The following AGMO variants were observed in gnomAD, a reference collection of about 807,000 sequenced individuals.
AGMO encodes glyceryl-ether monooxygenase.
AGMO carries 75 observed loss-of-function variants against 60.2 expected under a neutral mutation model. The observed-to-expected ratio is 1.25, with a 90% CI of 1.03 to 1.51. The LOEUF is 1.51. Among genes scored for constraint, AGMO ranks in the 40% most tolerant of loss-of-function variants. The probability of loss-of-function intolerance (pLI) is 0.00; values close to 1 mark genes in which losing one functional copy is unlikely to be tolerated. For synonymous variants in AGMO, 261 were observed against 177.1 expected (o/e 1.47, Z -3.76); for missense variants, 763 against 525.5 (o/e 1.45, Z -4.42).
intron 3 of AGMO, among the ~76,000 whole-genome samples, chr7:15,527,112 C>CA (rs751674128): frequency 5.3e-5 from 8 of 151,098 alleles, no homozygotes; most frequent in African/African-American, 1.9e-4. Context: ...GTTCAAGTAA[C>CA]AAAAAAAAGT....
At chr7:15,308,241 T>A (rs1271536896) in intron 12 of AGMO, among the ~76,000 whole-genome samples, 1 of 152,130 alleles carries the variant, frequency 6.6e-6, no homozygotes, top group Non-Finnish European at 1.5e-5. Flanking sequence ...ACAAGCACCA[T>A]CAATCCAAAT....
At chr7:15,149,444 TGTA>T in the AGMO span, among the ~76,000 whole-genome samples, 13 of 152,180 alleles carry the variant, frequency 8.5e-5, no homozygotes, top group African/African-American at 2.4e-4. Flanking sequence ...TTTATATAGT[TGTA>T]GGTCTTACAT....
chr7:15,129,290 C>T, the AGMO span, among the ~76,000 whole-genome samples: 1 of 132,224 alleles, frequency 7.6e-6, no homozygotes, highest in Non-Finnish European at 1.8e-5. Context: ...AGTGCCTGGC[C>T]ATTGTTCAGT....
At chr7:15,441,810 A>G (rs532856335) in intron 3 of AGMO, among the ~76,000 whole-genome samples, 4 of 152,324 alleles carry the variant, frequency 2.6e-5, no homozygotes, top group African/African-American at 9.6e-5. Flanking sequence ...TCTTAGGAAA[A>G]GACAGGAAAA....
rs1422762184 is a variant in AGMO, at chr7:15,316,924, A to C, written c.1263+48590T>G. 2.0e-5 allele frequency among the ~76,000 whole-genome samples: 3 copies of C among 152,216 alleles called. No individual in the cohort carries two copies. In the East Asian group the frequency reaches 5.8e-4, roughly 29 times the overall value. ...ACTCTGATTTCATGGTAATCAAATC[A>C]AACTGTCTTCACAGAAAGAGAATAT... On this transcript the variant is annotated intron_variant, in intron 12 of 12. Coordinates refer to ENST00000342526, the MANE Select transcript of AGMO (RefSeq NM_001004320.2).
intron 12 of AGMO, among the ~76,000 whole-genome samples, chr7:15,315,563 C>T (rs771993928): frequency 2.2e-4 from 33 of 151,952 alleles, no homozygotes; most frequent in Non-Finnish European, 4.0e-4. Context: ...GTCTCGATCT[C>T]CTGACCTTGT....
At chr7:15,349,519 T>A (rs962923342) in intron 12 of AGMO, among the ~76,000 whole-genome samples, 2 of 152,138 alleles carry the variant, frequency 1.3e-5, no homozygotes, top group African/African-American at 4.8e-5. Context: ...TCAAACACCA[T>A]ATACCAAAAA....
At chr7:15,327,429 T>C (rs10230770) in intron 12 of AGMO, among the ~76,000 whole-genome samples, 3,869 of 152,270 alleles carry the variant, frequency 0.025, 155 homozygotes, top group African/African-American at 0.089. Flanking sequence ...TAGGAATGAC[T>C]GGGGCTGAGT....
chr7:15,427,670 A>G (rs1781105652), intron 4 of AGMO, among the ~76,000 whole-genome samples: 1 of 151,800 alleles, frequency 6.6e-6, no homozygotes, highest in Non-Finnish European at 1.5e-5. Context: ...ATGAATTTAA[A>G]CACATTTTAT....
chr7:15,289,099 T>C (rs1274335895), intron 12 of AGMO, among the ~76,000 whole-genome samples: 1 of 151,954 alleles, frequency 6.6e-6, no homozygotes, highest in African/African-American at 2.4e-5. Context: ...GGCAGAGCTA[T>C]TTCTTTCTTC....
At chr7:15,331,227 A>T (rs149812482) in intron 12 of AGMO, among the ~76,000 whole-genome samples, 7 of 152,292 alleles carry the variant, frequency 4.6e-5, no homozygotes, top group Non-Finnish European at 1.0e-4. Flanking sequence ...TGCAAGGAGG[A>T]TATGAAGAAA....
intron 12 of AGMO, among the ~76,000 whole-genome samples, chr7:15,326,481 C>T (rs1583411559): frequency 1.3e-5 from 2 of 152,274 alleles, no homozygotes; most frequent in East Asian, 3.9e-4. Flanking sequence ...TTGTGCCTGC[C>T]TCTTCGCATT....
At position 15,306,446 on chromosome 7, in the gene AGMO, ATTC is replaced by A. The variant is rs1490646793; in HGVS notation, c.1263+59065_1263+59067del. ...TAGAGAACTGGATAATAGGAAACAT[ATTC>A]TTCTGCAATCAATGCACTTTGGGGT... is the stretch of plus-strand genomic sequence containing the variant. On this transcript the variant is annotated intron_variant, in intron 12 of 12. Coordinates refer to ENST00000342526, the MANE Select transcript of AGMO (RefSeq NM_001004320.2). 5 of 454,186 alleles carry A rather than the reference ATTC, an allele frequency of 1.1e-5. No homozygotes were observed. In the East Asian group the frequency reaches 3.5e-4, roughly 32 times the overall value. 28.1% of individuals were successfully genotyped at this position (454,186 alleles called of 1,614,324 possible). A position where few individuals can be genotyped will look rare whatever the true frequency, so the allele number is the denominator to read the frequency against.
intron 12 of AGMO, among the ~76,000 whole-genome samples, chr7:15,359,119 C>T (rs577104277): frequency 6.6e-6 from 1 of 152,016 alleles, no homozygotes; most frequent in Non-Finnish European, 1.5e-5. Flanking sequence ...GAAACCCCGT[C>T]TCCACTAAAA....
chr7:15,560,522 G>A lies in AGMO; in HGVS notation c.127-251C>T, dbSNP rs573757018. 3.9e-4 allele frequency among the ~76,000 whole-genome samples: 59 copies of A among 152,048 alleles called. 1 individual carries two copies. In the South Asian group the frequency reaches 0.011, roughly 28 times the overall value. On this transcript the variant is annotated intron_variant, in intron 1 of 12. Coordinates refer to ENST00000342526, the MANE Select transcript of AGMO (RefSeq NM_001004320.2). ...GAAATGTAATCATAGATATAACCAC[G>A]ATAATTATAATATTATAAGATTAAG...
intron 10 of AGMO, among the ~76,000 whole-genome samples, chr7:15,377,553 A>T (rs926096319): frequency 6.6e-6 from 1 of 152,080 alleles, no homozygotes; most frequent in Non-Finnish European, 1.5e-5. Flanking sequence ...ACATAGCTTA[A>T]AATGAGTAAG....
At chr7:15,471,113 G>C (rs1255997933) in intron 3 of AGMO, among the ~76,000 whole-genome samples, 5 of 151,884 alleles carry the variant, frequency 3.3e-5, no homozygotes, top group African/African-American at 1.2e-4. Context: ...CTTTGGAACA[G>C]CATGAACATA....
chr7:15,326,988 T>C (rs1046909935), intron 12 of AGMO, among the ~76,000 whole-genome samples: 2 of 152,190 alleles, frequency 1.3e-5, no homozygotes, highest in Admixed American at 1.3e-4. Flanking sequence ...ATTTTTTGTC[T>C]TAATGTAAAT....
intron 12 of AGMO, among the ~76,000 whole-genome samples, chr7:15,227,075 C>T (rs913074689): frequency 6.6e-6 from 1 of 152,058 alleles, no homozygotes; most frequent in Non-Finnish European, 1.5e-5. Flanking sequence ...CTAGAACCAG[C>T]TTACCTCGAT....
Sources: allele counts gnomAD v4.1 joint callset (sites outside exome capture counted in the v4.1 genomes callset), GRCh38; gene constraint gnomAD v4.1.1; transcripts MANE v1.5; gene names NCBI Gene and HGNC (gene_info 2026-07-23, HGNC 2026-07-21).